Variants in DNAJC10 observed in about 807,000 individuals in gnomAD.
DNAJC10 encodes DnaJ heat shock protein family (Hsp40) member C10.
Under a neutral mutation model 115.0 loss-of-function variants are expected in DNAJC10, and 101 were observed. The ratio of observed to expected loss-of-function variants is 0.88; its 90% CI spans 0.75 to 1.04. The LOEUF (loss-of-function observed/expected upper bound fraction) is 1.04, where lower values mean the gene tolerates loss of function less well. Among genes scored for constraint, DNAJC10 ranks in the 50% least tolerant of loss-of-function variants. DNAJC10 has a pLI of 0.00. For missense variants in DNAJC10, 981 were observed against 928.8 expected (o/e 1.06, Z -0.73); for synonymous variants, 307 against 301.5 (o/e 1.02, Z -0.19).
intron 16 of DNAJC10, chr2:182,752,451 T>G: frequency 2.7e-6 from 1 of 368,216 alleles, no homozygotes; most frequent in Non-Finnish European, 4.0e-6. Context: ...CTTCATAAAA[T>G]GCTTATATGA....
chr2:182,738,547 G>GTT (rs576492819), intron 11 of DNAJC10, among the ~76,000 whole-genome samples: 4 of 146,078 alleles, frequency 2.7e-5, no homozygotes, highest in Non-Finnish European at 3.0e-5. Context: ...GTTTTTTTTG[G>GTT]TTTTTTTTTT....
At chr2:182,739,646 C>T in intron 11 of DNAJC10, 2 of 1,113,134 alleles carry the variant, frequency 1.8e-6, no homozygotes, top group Middle Eastern at 2.5e-4. Flanking sequence ...TTAGAAGGGC[C>T]TTTTATACTC....
rs555736407 is a variant in DNAJC10 at position 182,741,756 on chromosome 2, C to A, written c.1191+400C>A. 1.6e-3 allele frequency among the ~76,000 whole-genome samples: 247 copies of A among 152,214 alleles called. 1 individual carries two copies. The highest frequency in any genetic ancestry group is 3.0e-3 in the Non-Finnish European group (201 of 67,994). On this transcript the variant is annotated intron_variant, in intron 13 of 23. Transcript: ENST00000264065. ...CCCATACTCTTAACATTGTTCATAA[C>A]CCTGCTATGTATTTACTCTATATAA...
At chr2:182,750,657 A>G (rs1247418299) in intron 14 of DNAJC10, among the ~76,000 whole-genome samples, 2 of 152,232 alleles carry the variant, frequency 1.3e-5, no homozygotes, top group African/African-American at 4.8e-5. Context: ...TATACAGTAT[A>G]GCCTATTGCT....
At position 182,750,286 on chromosome 2, in the gene DNAJC10, A is replaced by G. The variant is rs150394524; in HGVS notation, c.1307-1372A>G. On this transcript the variant is annotated intron_variant, in intron 14 of 23. Coordinates refer to ENST00000264065, the MANE Select transcript of DNAJC10 (RefSeq NM_018981.4). ...TAGTTAAGGAAGACTGGGTGAAGAA[A>G]CACTAGCTAGGTTATTGCAGAAGGC... Among the ~76,000 whole-genome samples, 95 of 152,260 alleles carry G rather than the reference A, an allele frequency of 6.2e-4. 1 individual carries two copies. Among genetic ancestry groups the G allele is most frequent in the Non-Finnish European group, 1.1e-3 (77 of 68,020 alleles).
intron 13 of DNAJC10, 62 bp from the exon 14 acceptor site, chr2:182,743,536 A>G: frequency 6.5e-6 from 8 of 1,225,740 alleles, no homozygotes; most frequent in Non-Finnish European, 9.6e-6. Context: ...ATTATCATGA[A>G]TATTTACAAA....
At chr2:182,760,917 C>A (rs1694271381) in intron 21 of DNAJC10, among the ~76,000 whole-genome samples, 1 of 152,014 alleles carries the variant, frequency 6.6e-6, no homozygotes, top group South Asian at 2.1e-4. Context: ...AATAATTCTG[C>A]TTTACTCCAT....
chr2:182,728,287 C>T (rs1475675506), intron 5 of DNAJC10, among the ~76,000 whole-genome samples: 1 of 152,106 alleles, frequency 6.6e-6, no homozygotes, highest in Non-Finnish European at 1.5e-5. Flanking sequence ...CCATATTTAT[C>T]TTGCAGTTTG....
chr2:182,742,178 A>G (rs1693753393), intron 13 of DNAJC10, among the ~76,000 whole-genome samples: 1 of 152,062 alleles, frequency 6.6e-6, no homozygotes, highest in African/African-American at 2.4e-5. Flanking sequence ...TGTCTTTAAT[A>G]TGGGAAATTT....
chr2:182,732,642 C>A, intron 10 of DNAJC10, 100 bp downstream of exon 10: 3 of 1,153,330 alleles, frequency 2.6e-6, no homozygotes, highest in South Asian at 1.3e-5. Context: ...GAACATTTAA[C>A]TCACCTATTT....
rs1293574158 is a variant in DNAJC10, at chr2:182,785,384, AAG to A, written c.*8255_*8256del. Reference sequence around the variant, plus strand: ...GACACATAGTCTTCAGGTAAAAAGAAAGAGCTCTTGGTCACAGAAATGGGTGT... The same window carrying A: ...GACACATAGTCTTCAGGTAAAAAGAAAGCTCTTGGTCACAGAAATGGGTGT... On this transcript the variant is annotated 3_prime_UTR_variant, in exon 24 of 24. Transcript: ENST00000264065. 6.6e-6 allele frequency: 1 copy of A among 152,142 alleles called. No individual in the cohort carries two copies. Among genetic ancestry groups the A allele is most frequent in the East Asian group, 1.9e-4 (1 of 5,196 alleles). The allele number at this position is 152,142 out of a possible 1,614,324, so 9.4% of individuals were successfully genotyped here.
chr2:182,770,060 CATTT>C (rs1215193760), intron 22 of DNAJC10, among the ~76,000 whole-genome samples: 1 of 152,102 alleles, frequency 6.6e-6, no homozygotes, highest in Admixed American at 6.6e-5. Flanking sequence ...TTCTCAGCAC[CATTT>C]ATTAAATAGG....
chr2:182,721,148 G>C (rs571505327), intron 4 of DNAJC10, among the ~76,000 whole-genome samples: 1 of 152,168 alleles, frequency 6.6e-6, no homozygotes, highest in South Asian at 2.1e-4. Context: ...TCAAATGCAG[G>C]CTAAGAACTG....
At chr2:182,759,653 C>G (rs1455860705) in intron 21 of DNAJC10, among the ~76,000 whole-genome samples, 1 of 152,048 alleles carries the variant, frequency 6.6e-6, no homozygotes, top group Non-Finnish European at 1.5e-5. Flanking sequence ...CCCTAAATGT[C>G]TTTCAAATGT....
In DNAJC10 at chr2:182,772,070, G is replaced by A. The variant is rs972686763; in HGVS notation, c.2266-3246G>A. 7.2e-5 allele frequency among the ~76,000 whole-genome samples: 11 copies of A among 152,036 alleles called. No individual in the cohort carries two copies. The East Asian group carries it at 1.2e-3, about 16-fold the overall frequency. On this transcript the variant is annotated intron_variant, in intron 22 of 23. Transcript: ENST00000264065. The stretch of plus-strand genomic sequence containing the variant: ...ACATCTTTATTTCTGCCTTCATTTC[G>A]TTATTTACCCAGTAGTCATTCAGGA...
rs1001854374 is a variant in DNAJC10, at chr2:182,779,801, CAAAA to C, written c.*2673_*2676del. 104 of 151,872 alleles carry C rather than the reference CAAAA, an allele frequency of 6.8e-4. 1 individual carries two copies. Among genetic ancestry groups the C allele is most frequent in the African/African-American group, 2.5e-3 (103 of 41,444 alleles). The allele number at this position is 151,872 out of a possible 1,614,324, so 9.4% of individuals were successfully genotyped here. Reference sequence around the variant, plus strand: ...GGAATTTTTTTAGAAGTACGGTTATCAAAAAAACACATTTCCTATGGGACACACA... The same window carrying C: ...GGAATTTTTTTAGAAGTACGGTTATCAAACACATTTCCTATGGGACACACA... On this transcript the variant is annotated 3_prime_UTR_variant, in exon 24 of 24. Transcript: ENST00000264065.
rs1694752079 is a variant in DNAJC10, at chr2:182,777,960, G to C, written c.*828G>C. 1 of 152,136 alleles carries C rather than the reference G, an allele frequency of 6.6e-6. No homozygotes were observed. Among genetic ancestry groups the C allele is most frequent in the African/African-American group, 2.4e-5 (1 of 41,432 alleles). 9.4% of individuals were successfully genotyped at this position (152,136 alleles called of 1,614,324 possible). A position where few individuals can be genotyped will look rare whatever the true frequency, so the allele number is the denominator to read the frequency against. Reference sequence around the variant, plus strand: ...ATAGCAATTAACTGGGCATTGTAGAGTATCCTAAATATGTTATCAAGTATT... The same window carrying C: ...ATAGCAATTAACTGGGCATTGTAGACTATCCTAAATATGTTATCAAGTATT... On this transcript the variant is annotated 3_prime_UTR_variant, in exon 24 of 24. Transcript: ENST00000264065.
chr2:182,733,827 A>AGATAGATT (rs1354983574), intron 10 of DNAJC10, among the ~76,000 whole-genome samples: 4,028 of 143,856 alleles, frequency 0.028, 64 homozygotes, highest in Non-Finnish European at 0.044. Context: ...ATAGATAGAT[A>AGATAGATT]GATTTTCTAC....
chr2:182,788,967 C>T lies in DNAJC10; in HGVS notation c.*11835C>T, dbSNP rs1695001047. 1.3e-5 allele frequency: 4 copies of T among 318,538 alleles called. No individual in the cohort carries two copies. The highest frequency in any genetic ancestry group is 8.1e-5 in the South Asian group (3 of 36,942). The allele number at this position is 318,538 out of a possible 1,614,324, so 19.7% of individuals were successfully genotyped here. On this transcript the variant is annotated 3_prime_UTR_variant, in exon 24 of 24. Coordinates refer to ENST00000264065, the MANE Select transcript of DNAJC10 (RefSeq NM_018981.4). ...AATCATTTTAAAGTAGCATACAGTT[C>T]AGTAGTGTTAAGTAATTTCACATTG...
Sources: allele counts gnomAD v4.1 joint callset (sites outside exome capture counted in the v4.1 genomes callset), GRCh38; gene constraint gnomAD v4.1.1; transcripts MANE v1.5; gene names NCBI Gene and HGNC (gene_info 2026-07-23, HGNC 2026-07-21).